CCSER1: variants seen among roughly 807,000 people sequenced by gnomAD.
CCSER1 encodes serine-rich coiled-coil domain-containing protein 1.
Under a neutral mutation model 82.0 loss-of-function variants are expected in CCSER1, and 41 were observed. That is an observed-to-expected ratio of 0.50 (90% CI 0.39 to 0.65). The LOEUF is 0.65. Among genes scored for constraint, CCSER1 ranks in the 30% least tolerant of loss-of-function variants. The pLI is 0.00. For synonymous variants in CCSER1, 414 were observed against 383.9 expected (o/e 1.08, Z -0.92); for missense variants, 1,119 against 1,064.2 (o/e 1.05, Z -0.72).
chr4:91,358,526 C>T (rs906214418), intron 10 of CCSER1, among the ~76,000 whole-genome samples: 2 of 151,680 alleles, frequency 1.3e-5, no homozygotes, highest in Admixed American at 1.3e-4. Flanking sequence ...ATTCAAAATC[C>T]AAGTATCAAA....
intron 5 of CCSER1, among the ~76,000 whole-genome samples, chr4:90,577,141 A>G (rs1780858939): frequency 6.6e-6 from 1 of 151,994 alleles, no homozygotes; most frequent in African/African-American, 2.4e-5. Flanking sequence ...GCATCTTTTT[A>G]TATGCTTATT....
intron 1 of CCSER1, among the ~76,000 whole-genome samples, chr4:90,267,555 G>A (rs1045392463): frequency 1.5e-4 from 23 of 152,076 alleles, no homozygotes; most frequent in African/African-American, 5.6e-4. Context: ...TTCTGGCTTC[G>A]GGTCTGACCC....
intron 9 of CCSER1, among the ~76,000 whole-genome samples, chr4:90,951,903 G>C (rs538190490): frequency 1.1e-3 from 167 of 151,984 alleles, no homozygotes; most frequent in African/African-American, 3.7e-3. Context: ...GATATAGTAG[G>C]CTAATTCTCT....
At chr4:91,008,481 T>C (rs28815191) in intron 9 of CCSER1, among the ~76,000 whole-genome samples, 50,200 of 152,036 alleles carry the variant, frequency 0.33, 9,278 homozygotes, top group East Asian at 0.43. Context: ...TGACAGTTTT[T>C]AACTTGTAGT....
At chr4:91,365,121 T>G (rs568759903) in intron 10 of CCSER1, among the ~76,000 whole-genome samples, 6 of 152,306 alleles carry the variant, frequency 3.9e-5, no homozygotes, top group Middle Eastern at 3.4e-3. Context: ...ATAAACAGTC[T>G]TTAAAAGATA....
At chr4:90,161,902 C>A (rs1450909049) in intron 1 of CCSER1, among the ~76,000 whole-genome samples, 1 of 152,028 alleles carries the variant, frequency 6.6e-6, no homozygotes, top group Non-Finnish European at 1.5e-5. Context: ...TACAAGCTAT[C>A]TACTTCACTG....
intron 10 of CCSER1, among the ~76,000 whole-genome samples, chr4:91,471,636 T>A (rs1757280643): frequency 1.3e-5 from 2 of 152,164 alleles, no homozygotes; most frequent in African/African-American, 2.4e-5. Context: ...CCCTTCAGAC[T>A]GACTGAGGAG....
intron 1 of CCSER1, among the ~76,000 whole-genome samples, chr4:90,267,004 C>T (rs1725358867): frequency 6.6e-6 from 1 of 151,944 alleles, no homozygotes; most frequent in South Asian, 2.1e-4. Context: ...AGTAGCAGCT[C>T]TGCCACTGTG....
chr4:90,573,346 A>G (rs1780338725), intron 5 of CCSER1, among the ~76,000 whole-genome samples: 1 of 152,180 alleles, frequency 6.6e-6, no homozygotes, highest in Admixed American at 6.5e-5. Flanking sequence ...CAGTTCATGG[A>G]TACTGTCCTG....
chr4:90,544,499 C>A (rs1303551374), intron 5 of CCSER1, among the ~76,000 whole-genome samples: 1 of 152,114 alleles, frequency 6.6e-6, no homozygotes, highest in Admixed American at 6.6e-5. Context: ...TTCTCTGCAA[C>A]CCTGCATGAT....
intron 10 of CCSER1, among the ~76,000 whole-genome samples, chr4:91,457,307 A>G (rs1467421110): frequency 6.6e-6 from 1 of 152,108 alleles, no homozygotes; most frequent in Non-Finnish European, 1.5e-5. Context: ...TAACTTGATT[A>G]TCCTAGTTCA....
chr4:90,421,797 G>A (rs950308340), intron 4 of CCSER1, among the ~76,000 whole-genome samples: 6 of 151,908 alleles, frequency 3.9e-5, no homozygotes, highest in African/African-American at 1.2e-4. Context: ...ATGACTCTTA[G>A]GGGTTGAACT....
intron 8 of CCSER1, among the ~76,000 whole-genome samples, chr4:90,920,438 G>T (rs183236885): frequency 1.3e-5 from 2 of 151,734 alleles, no homozygotes; most frequent in Non-Finnish European, 1.5e-5. Flanking sequence ...ACTCCCTTTA[G>T]GCAATTTTGA....
intron 9 of CCSER1, among the ~76,000 whole-genome samples, chr4:90,937,948 C>A (rs1731156968): frequency 6.6e-6 from 1 of 152,108 alleles, no homozygotes; most frequent in African/African-American, 2.4e-5. Flanking sequence ...AACTTACCAT[C>A]TTTGTAGTAT....
At chr4:90,727,287 A>G (rs554696539) in intron 7 of CCSER1, 232 of 456,138 alleles carry the variant, frequency 5.1e-4, no homozygotes, top group African/African-American at 4.0e-3. Context: ...AGGATAACCA[A>G]TTTTGCATAG....
intron 1 of CCSER1, among the ~76,000 whole-genome samples, chr4:90,245,028 G>GT (rs1484242396): frequency 6.6e-6 from 1 of 152,096 alleles, no homozygotes; most frequent in East Asian, 1.9e-4. Flanking sequence ...ATCTCTTCAT[G>GT]TAAGGTTTTT....
At chr4:91,037,769 T>C (rs920286516) in intron 9 of CCSER1, among the ~76,000 whole-genome samples, 17 of 151,910 alleles carry the variant, frequency 1.1e-4, no homozygotes, top group African/African-American at 3.9e-4. Context: ...TTTAAAAATA[T>C]TTGATGGAAA....
chr4:91,161,730 G>T (rs555526019), intron 10 of CCSER1, among the ~76,000 whole-genome samples: 6 of 151,946 alleles, frequency 3.9e-5, no homozygotes, highest in African/African-American at 1.4e-4. Context: ...GTAGGAATGC[G>T]TGTGATTTTT....
intron 3 of CCSER1, among the ~76,000 whole-genome samples, chr4:90,343,483 T>A (rs576302587): frequency 1.3e-5 from 2 of 152,156 alleles, no homozygotes; most frequent in East Asian, 3.9e-4. Flanking sequence ...TGGGTGGTAG[T>A]GGAGCGCGTT....
Sources: allele counts gnomAD v4.1 joint callset (sites outside exome capture counted in the v4.1 genomes callset), GRCh38; gene constraint gnomAD v4.1.1; transcripts MANE v1.5; gene names NCBI Gene and HGNC (gene_info 2026-07-23, HGNC 2026-07-21).